The following ACER3 variants were observed in gnomAD, a reference collection of about 807,000 sequenced individuals.
The protein encoded by ACER3 is alkCDase 3.
Under a neutral mutation model 48.9 loss-of-function variants are expected in ACER3, and 16 were observed. The observed-to-expected ratio is 0.33, with a 90% CI of 0.22 to 0.50. The LOEUF is 0.50. Among genes scored for constraint, ACER3 ranks in the 20% least tolerant of loss-of-function variants. ACER3 has a pLI of 0.98. For synonymous variants in ACER3, 109 were observed against 107.8 expected, an observed-to-expected ratio of 1.01 and a Z score of -0.07; for missense variants, 227 against 326.0, an observed-to-expected ratio of 0.70 and a Z score of 2.34.
intron 1 of ACER3, among the ~76,000 whole-genome samples, chr11:76,907,346 C>A (rs973680332): frequency 8.3e-6 from 1 of 121,180 alleles, no homozygotes; most frequent in Non-Finnish European, 2.2e-5. Flanking sequence ...CTATTTCAAG[C>A]AAATTTATTG....
At chr11:76,985,493 A>T (rs1369038469) in intron 4 of ACER3, 150 bp from the exon 5 acceptor site, 2 of 548,986 alleles carry the variant, frequency 3.6e-6, no homozygotes, top group Non-Finnish European at 6.2e-6. Flanking sequence ...CTCTTAGAGG[A>T]TAATAGGCAG....
rs1481794142 is a variant in ACER3, at chr11:77,025,384, T to C, written c.*5057T>C. The C allele has an allele frequency of 9.2e-6, 1 of 108,914 alleles. No individual in the cohort carries two copies. Among genetic ancestry groups the C allele is most frequent in the African/African-American group, 4.5e-5 (1 of 22,196 alleles). 6.7% of individuals were successfully genotyped at this position (108,914 alleles called of 1,614,324 possible). A position where few individuals can be genotyped will look rare whatever the true frequency, so the allele number is the denominator to read the frequency against. On this transcript the variant is annotated 3_prime_UTR_variant, in exon 11 of 11. Coordinates refer to ENST00000532485, the MANE Select transcript of ACER3 (RefSeq NM_018367.7). Reference sequence around the variant, plus strand: ...GGTAAGAATGGTTATTTTATTTTATTTTATTCTTTATATATATATATATAT... The same window carrying C: ...GGTAAGAATGGTTATTTTATTTTATCTTATTCTTTATATATATATATATAT...
At chr11:77,012,298 G>C (rs1194340337) in intron 7 of ACER3, among the ~76,000 whole-genome samples, 1 of 151,448 alleles carries the variant, frequency 6.6e-6, no homozygotes, top group African/African-American at 2.4e-5. Context: ...CACGCCTGTA[G>C]TCCCAGCTAC....
intron 1 of ACER3, among the ~76,000 whole-genome samples, chr11:76,915,444 C>A (rs577533205): frequency 6.6e-6 from 1 of 152,062 alleles, no homozygotes; most frequent in African/African-American, 2.4e-5. Context: ...ACCCACCCCC[C>A]CGAGATCGTA....
At chr11:76,984,987 C>A (rs937231596) in intron 4 of ACER3, among the ~76,000 whole-genome samples, 1 of 152,088 alleles carries the variant, frequency 6.6e-6, no homozygotes, top group African/African-American at 2.4e-5. Context: ...TTTTGCCATT[C>A]CTTCCTCTCC....
chr11:76,943,488 A>C (rs1947391656), intron 2 of ACER3, among the ~76,000 whole-genome samples: 2 of 151,970 alleles, frequency 1.3e-5, no homozygotes, highest in Non-Finnish European at 2.9e-5. Flanking sequence ...TTTGGTAGTG[A>C]TTTCTAGCTT....
intron 1 of ACER3, among the ~76,000 whole-genome samples, chr11:76,906,847 C>T (rs898362118): frequency 2.6e-5 from 4 of 152,050 alleles, no homozygotes; most frequent in Admixed American, 6.6e-5. Context: ...AGGCATGAGC[C>T]GCCATGCCTG....
At chr11:76,913,096 G>C (rs1233556436) in intron 1 of ACER3, among the ~76,000 whole-genome samples, 1 of 152,186 alleles carries the variant, frequency 6.6e-6, no homozygotes, top group East Asian at 1.9e-4. Flanking sequence ...TCCCTTGTAA[G>C]TTGGATTCTT....
At chr11:76,942,403 G>A (rs1947361672) in intron 2 of ACER3, among the ~76,000 whole-genome samples, 1 of 151,114 alleles carries the variant, frequency 6.6e-6, no homozygotes, top group African/African-American at 2.4e-5. Flanking sequence ...ATTTTTTTTT[G>A]CATCTATTGA....
At chr11:76,945,819 C>T (rs562486828) in intron 2 of ACER3, among the ~76,000 whole-genome samples, 8 of 152,258 alleles carry the variant, frequency 5.3e-5, no homozygotes, top group Admixed American at 3.3e-4. Flanking sequence ...CTGGGAGCCA[C>T]GTGGTCTTTG....
In ACER3 at chr11:77,005,991, A is replaced by AT. The variant is rs1228374444; in HGVS notation, c.497+7185dup. Among the ~76,000 whole-genome samples the AT allele has an allele frequency of 8.8e-3, 884 of 100,844 alleles. 34 individuals carry two copies. Among genetic ancestry groups the AT allele is most frequent in the African/African-American group, 0.033 (831 of 25,272 alleles). The allele number at this position is 100,844 out of a possible 152,430, so 66.2% of individuals were successfully genotyped here. On this transcript the variant is annotated intron_variant, in intron 7 of 10. Coordinates refer to ENST00000532485, the MANE Select transcript of ACER3 (RefSeq NM_018367.7). ...TATATACATATATATATATATATAT[A>AT]TTTTTTTTTTTTTTTGAGCCAGAGT...
At chr11:77,007,418 C>T (rs1949177259) in intron 7 of ACER3, among the ~76,000 whole-genome samples, 1 of 152,176 alleles carries the variant, frequency 6.6e-6, no homozygotes, top group Admixed American at 6.5e-5. Context: ...TCCTCTTTGG[C>T]CTCTGTTGGC....
chr11:77,002,681 CT>C (rs1949057305), intron 7 of ACER3, among the ~76,000 whole-genome samples: 1 of 152,150 alleles, frequency 6.6e-6, no homozygotes, highest in Non-Finnish European at 1.5e-5. Flanking sequence ...GTTAACTCTT[CT>C]TTAAATGTTT....
chr11:76,987,753 A>T (rs187406756), intron 5 of ACER3, among the ~76,000 whole-genome samples: 14 of 152,322 alleles, frequency 9.2e-5, no homozygotes, highest in Non-Finnish European at 2.9e-5. Flanking sequence ...GCTGGGCAAC[A>T]TAGTGAGACC....
At chr11:77,014,473 T>A (rs1949327459) in intron 7 of ACER3, among the ~76,000 whole-genome samples, 1 of 152,210 alleles carries the variant, frequency 6.6e-6, no homozygotes, top group Non-Finnish European at 1.5e-5. Flanking sequence ...AAGTACTCCA[T>A]ATGTATTAAG....
At chr11:76,945,678 C>T (rs1042968852) in intron 2 of ACER3, among the ~76,000 whole-genome samples, 1 of 152,170 alleles carries the variant, frequency 6.6e-6, no homozygotes, top group African/African-American at 2.4e-5. Flanking sequence ...AGGGCTGATT[C>T]TTGGGCCTGC....
At chr11:76,905,750 A>G (rs1182580075) in intron 1 of ACER3, among the ~76,000 whole-genome samples, 1 of 152,046 alleles carries the variant, frequency 6.6e-6, no homozygotes, top group African/African-American at 2.4e-5. Context: ...CAGAAATTAA[A>G]AGGAATGAAA....
intron 2 of ACER3, among the ~76,000 whole-genome samples, chr11:76,930,469 G>T (rs904657979): frequency 6.9e-6 from 1 of 144,840 alleles, no homozygotes; most frequent in South Asian, 2.3e-4. Context: ...ATCTCCTTCA[G>T]TTCTGCTCTG....
chr11:76,953,203 T>G (rs1177345281), intron 2 of ACER3, among the ~76,000 whole-genome samples: 1 of 152,180 alleles, frequency 6.6e-6, no homozygotes, highest in Non-Finnish European at 1.5e-5. Flanking sequence ...CATGTATGCC[T>G]TGCAAGGAGT....
Sources: gnomAD v4.1 joint callset for allele counts (sites outside exome capture counted in the v4.1 genomes callset) on GRCh38, gnomAD v4.1.1 for gene constraint, MANE v1.5 for transcripts, NCBI Gene and HGNC (gene_info 2026-07-23, HGNC 2026-07-21) for gene names.